The following POLR2F variants were observed in gnomAD, a reference collection of about 807,000 sequenced individuals.
POLR2F encodes DNA-directed RNA polymerases I, II, and III subunit RPABC2.
A neutral mutation model predicts 22.7 loss-of-function variants in POLR2F; 12 were observed. That is an observed-to-expected ratio of 0.53 (90% CI 0.34 to 0.86). POLR2F has a LOEUF of 0.86. POLR2F is among the 40% of genes least tolerant of loss of function. The pLI is 0.02. For synonymous variants in POLR2F, 57 were observed against 66.0 expected, an observed-to-expected ratio of 0.86 and a Z score of 0.66; for missense variants, 126 against 171.5, an observed-to-expected ratio of 0.73 and a Z score of 1.48.
At chr22:37,993,122 G>A (rs1932754557) in intron 1 of POLR2F, among the ~76,000 whole-genome samples, 1 of 152,178 alleles carries the variant, frequency 6.6e-6, no homozygotes, top group South Asian at 2.1e-4. Flanking sequence ...TGGGTCCATT[G>A]GTGTTGTCCC....
At chr22:37,956,202 G>T (rs1219111676) in intron 1 of POLR2F, among the ~76,000 whole-genome samples, 2 of 151,766 alleles carry the variant, frequency 1.3e-5, no homozygotes, top group Non-Finnish European at 2.9e-5. Context: ...TGATTCTCCT[G>T]CCTCAGCCTC....
At chr22:37,981,177 A>G (rs1932384761) in intron 4 of POLR2F, among the ~76,000 whole-genome samples, 1 of 152,122 alleles carries the variant, frequency 6.6e-6, no homozygotes, top group Non-Finnish European at 1.5e-5. Flanking sequence ...GTTTTAAGAC[A>G]CCTGTTTTCC....
chr22:37,973,640 G>A, downstream of POLR2F: 4 of 1,613,830 alleles, frequency 2.5e-6, no homozygotes, highest in Non-Finnish European at 3.4e-6. Flanking sequence ...GTAGAGGCCA[G>A]AGGCCTGGCC....
chr22:38,012,485 G>A (rs976205309), intron 1 of POLR2F, among the ~76,000 whole-genome samples: 1 of 152,146 alleles, frequency 6.6e-6, no homozygotes. Flanking sequence ...TCTATGTTAA[G>A]ATTTTACATA....
intron 1 of POLR2F, among the ~76,000 whole-genome samples, chr22:38,024,675 T>C (rs1308846493): frequency 6.6e-6 from 1 of 152,098 alleles, no homozygotes; most frequent in Non-Finnish European, 1.5e-5. Context: ...GTGCAATCCA[T>C]GCAGGTGCGG....
chr22:37,965,523 ATTAT>A (rs925143025), intron 3 of POLR2F, among the ~76,000 whole-genome samples: 2 of 152,256 alleles, frequency 1.3e-5, no homozygotes, highest in African/African-American at 4.8e-5. Context: ...ATGCCCTTGA[ATTAT>A]TTATATTTTG....
chr22:37,960,616 T>C (rs1224142913), intron 3 of POLR2F, among the ~76,000 whole-genome samples: 1 of 151,838 alleles, frequency 6.6e-6, no homozygotes, highest in Non-Finnish European at 1.5e-5. Flanking sequence ...CCAGGGTGGT[T>C]GGTCTCTTTC....
At chr22:37,996,728 G>C (rs2145794218) in intron 1 of POLR2F, among the ~76,000 whole-genome samples, 1 of 152,322 alleles carries the variant, frequency 6.6e-6, no homozygotes, top group South Asian at 2.1e-4. Flanking sequence ...GTGGGGCACA[G>C]CCCCTCTCTG....
Position 38,031,809 on chromosome 22 carries a change from G to A in POLR2F, c.453-9259G>A, listed in dbSNP as rs1399176262. 6.6e-6 allele frequency among the ~76,000 whole-genome samples: 1 copy of A among 152,008 alleles called. No homozygotes were observed. The highest frequency in any genetic ancestry group is 1.9e-4 in the East Asian group (1 of 5,184). On this transcript the variant is annotated intron_variant, in intron 5 of 5. Coordinates refer to the POLR2F transcript ENST00000407936. This position sits in a 1 kb window ranked among gnomAD's most constrained non-coding sequence, Gnocchi z 4.1. ...CCATCAACGGCCCCACTGTTCTCCAGTGACCCAGGCATGAAGCTTCGGAGT... is the reference window on the plus strand; with the variant it reads ...CCATCAACGGCCCCACTGTTCTCCAATGACCCAGGCATGAAGCTTCGGAGT...
rs751028693 is a variant in POLR2F at position 37,967,142 on chromosome 22, C to T, written c.265C>T (p.Pro89Ser). The T allele has an allele frequency of 6.2e-7, 1 of 1,613,630 alleles. No homozygotes were observed. Among genetic ancestry groups the T allele is most frequent in the Non-Finnish European group, 8.5e-7 (1 of 1,179,652 alleles). Residue 89 changes from proline to serine, a missense_variant, in exon 4 of 5, where the codon CCT becomes TCT. By Grantham distance (74) the Pro-to-Ser change is moderately conservative. Transcript: ENST00000442738. ...GGTGGAGCTGGAGGGGGAGACAGAT[C>T]CTCTGCTCATTGCCATGAAGGAACT... ...VMVELEGETD[P>S]LLIAMKELKA...
intron 2 of POLR2F, 59 bp from the exon 3 acceptor site, chr22:37,959,287 C>G: frequency 6.4e-7 from 1 of 1,573,256 alleles, no homozygotes; most frequent in South Asian, 1.1e-5. Context: ...CATTATCACT[C>G]TCCCTGTAAC....
intron 1 of POLR2F, among the ~76,000 whole-genome samples, chr22:37,998,373 C>T (rs989645625): frequency 6.6e-6 from 1 of 152,226 alleles, no homozygotes; most frequent in Non-Finnish European, 1.5e-5. Flanking sequence ...CTTGAAGGGG[C>T]CTCCCTGGGG....
intron 1 of POLR2F, among the ~76,000 whole-genome samples, chr22:37,993,387 A>G (rs931910085): frequency 6.6e-6 from 1 of 152,152 alleles, no homozygotes; most frequent in Non-Finnish European, 1.5e-5. Flanking sequence ...CAGCCCACCC[A>G]TCTTACTGCT....
At chr22:38,011,291 G>T (rs1485231598) in intron 1 of POLR2F, among the ~76,000 whole-genome samples, 1 of 151,576 alleles carries the variant, frequency 6.6e-6, no homozygotes, top group Non-Finnish European at 1.5e-5. Context: ...TTTTTGTAGA[G>T]GCAAGGTTTT....
At chr22:37,961,727 C>CT (rs1330595495) in intron 3 of POLR2F, among the ~76,000 whole-genome samples, 5 of 151,924 alleles carry the variant, frequency 3.3e-5, no homozygotes, top group African/African-American at 1.2e-4. Context: ...TGCTTTTTTT[C>CT]CCCCCAGGCT....
chr22:38,041,885 T>G (rs1206321087), downstream of POLR2F: 1 of 152,192 alleles, frequency 6.6e-6, no homozygotes, highest in Non-Finnish European at 1.5e-5. Flanking sequence ...TATTTGAATT[T>G]CACCTCAATA....
chr22:38,025,731 C>T, intron 1 of POLR2F: 1 of 1,526,946 alleles, frequency 6.5e-7, no homozygotes, highest in Non-Finnish European at 8.8e-7. Flanking sequence ...AAACTGAGCC[C>T]AGGTTGCTGA....
At chr22:37,998,275 T>G (rs2145795786) in intron 1 of POLR2F, among the ~76,000 whole-genome samples, 1 of 152,338 alleles carries the variant, frequency 6.6e-6, no homozygotes, top group South Asian at 2.1e-4. Context: ...CTCAGAGACC[T>G]GCCCTGACAG....
At chr22:38,025,677 C>T (rs778697013) in intron 1 of POLR2F, 3 of 1,553,056 alleles carry the variant, frequency 1.9e-6, no homozygotes, top group Non-Finnish European at 1.7e-6. Flanking sequence ...CTTCTCCCGA[C>T]AGTCCTGCTG....
Sources: gnomAD v4.1 joint callset for allele counts (sites outside exome capture counted in the v4.1 genomes callset) on GRCh38, gnomAD v4.1.1 for gene constraint, Gnocchi (gnomAD v3.1) non-coding constraint, MANE v1.5 for transcripts, NCBI Gene and HGNC (gene_info 2026-07-23, HGNC 2026-07-21) for gene names.